The following PRKCA variants were observed in gnomAD, a reference collection of about 807,000 sequenced individuals.
PRKCA encodes protein kinase C alpha type.
In PRKCA, 27 loss-of-function variants were observed where a neutral mutation model predicts 87.0. That is an observed-to-expected ratio of 0.31 (90% CI 0.23 to 0.43). The LOEUF is 0.43. Among genes scored for constraint, PRKCA ranks in the 20% least tolerant of loss-of-function variants. The pLI, the probability that PRKCA is intolerant of heterozygous loss-of-function variation, is 1.00. For synonymous variants in PRKCA, 329 were observed against 311.1 expected (o/e 1.06, Z -0.61); for missense variants, 518 against 852.3 (o/e 0.61, Z 4.88).
intron 2 of PRKCA, among the ~76,000 whole-genome samples, chr17:66,326,053 C>A (rs1489658621): frequency 6.6e-6 from 1 of 152,122 alleles, no homozygotes; most frequent in African/African-American, 2.4e-5. Context: ...TTGTTGAGAA[C>A]CCCCTTTGTG....
chr17:66,444,884 A>G (rs1913953488), intron 2 of PRKCA, among the ~76,000 whole-genome samples: 1 of 152,110 alleles, frequency 6.6e-6, no homozygotes, highest in Non-Finnish European at 1.5e-5. Context: ...GCATTTTAGA[A>G]AATCCCACTC....
chr17:66,456,696 G>T (rs138626511), intron 2 of PRKCA, among the ~76,000 whole-genome samples: 200 of 152,274 alleles, frequency 1.3e-3, no homozygotes, highest in Non-Finnish European at 2.2e-3. Flanking sequence ...GAAATAGATG[G>T]CAGAAAAGAC....
chr17:66,313,350 A>C (rs1192151199), intron 2 of PRKCA, among the ~76,000 whole-genome samples: 1 of 152,212 alleles, frequency 6.6e-6, no homozygotes, highest in Non-Finnish European at 1.5e-5. Context: ...AAGAAAAAGT[A>C]CTTTTAAAGC....
At chr17:66,574,692 C>A (rs569349280) in intron 3 of PRKCA, among the ~76,000 whole-genome samples, 27 of 151,332 alleles carry the variant, frequency 1.8e-4, no homozygotes, top group Admixed American at 1.4e-3. Flanking sequence ...AGGCATTTAA[C>A]CAGTTAGCAT....
intron 3 of PRKCA, among the ~76,000 whole-genome samples, chr17:66,498,030 G>T (rs1916556055): frequency 6.6e-6 from 1 of 152,072 alleles, no homozygotes. Flanking sequence ...GCGTCACCTT[G>T]TTTTATAACT....
chr17:66,775,179 C>A lies in PRKCA; in HGVS notation c.1605+1112C>A, dbSNP rs555963136. 49 of 963,978 alleles carry A rather than the reference C, an allele frequency of 5.1e-5. 1 individual carries two copies. The South Asian group carries it at 2.1e-3, about 41-fold the overall frequency. 59.7% of individuals were successfully genotyped at this position (963,978 alleles called of 1,614,324 possible). ...TGAATGACCCTGTGGTCAGTGCCCA[C>A]CCCCACATAGGACACTTCCGTGGCA... On this transcript the variant is annotated intron_variant, in intron 14 of 16. Coordinates refer to ENST00000413366, the MANE Select transcript of PRKCA (RefSeq NM_002737.3).
chr17:66,789,302 C>A (rs1975476021), intron 16 of PRKCA, among the ~76,000 whole-genome samples: 1 of 152,200 alleles, frequency 6.6e-6, no homozygotes, highest in Admixed American at 6.5e-5. Context: ...GGACTCGCAC[C>A]CAGCAGGGCC....
At chr17:66,390,229 G>A (rs202094985) in intron 2 of PRKCA, among the ~76,000 whole-genome samples, 6 of 151,254 alleles carry the variant, frequency 4.0e-5, no homozygotes, top group Non-Finnish European at 2.9e-5. Context: ...TCTCAAAAAA[G>A]AAAAAAAAAA....
At chr17:66,521,624 C>T (rs1967164869) in intron 3 of PRKCA, among the ~76,000 whole-genome samples, 1 of 151,982 alleles carries the variant, frequency 6.6e-6, no homozygotes, top group Non-Finnish European at 1.5e-5. Context: ...AGTGATGAAT[C>T]AAGTCATCTG....
At chr17:66,781,866 G>GATATATATATATATATAT (rs766995438) in intron 14 of PRKCA, among the ~76,000 whole-genome samples, 4 of 132,800 alleles carry the variant, frequency 3.0e-5, no homozygotes, top group African/African-American at 1.3e-4. Flanking sequence ...GAGAGAGAGA[G>GATATATATATATATATAT]AGATATATAT....
intron 5 of PRKCA, among the ~76,000 whole-genome samples, chr17:66,665,504 G>GGTCTCA (rs1555633134): frequency 0.013 from 2,039 of 151,546 alleles, 41 homozygotes; most frequent in African/African-American, 0.047. Context: ...TGGCAAGAGG[G>GGTCTCA]GGTCCAAGTA....
intron 2 of PRKCA, among the ~76,000 whole-genome samples, chr17:66,441,387 G>A (rs1186366634): frequency 6.6e-6 from 1 of 151,216 alleles, no homozygotes; most frequent in Non-Finnish European, 1.5e-5. Context: ...TCACAGTTCT[G>A]GCCATCTCCT....
At chr17:66,748,330 T>C (rs1188474270) in intron 13 of PRKCA, among the ~76,000 whole-genome samples, 1 of 152,230 alleles carries the variant, frequency 6.6e-6, no homozygotes, top group Non-Finnish European at 1.5e-5. Context: ...GGCCCTAACA[T>C]ATGTTTTTTA....
At chr17:66,795,129 C>T (rs1229524301) in intron 16 of PRKCA, among the ~76,000 whole-genome samples, 1 of 152,108 alleles carries the variant, frequency 6.6e-6, no homozygotes, top group Non-Finnish European at 1.5e-5. Flanking sequence ...ATGTGTATTT[C>T]CTGAACATAA....
chr17:66,554,831 C>G (rs896784129), intron 3 of PRKCA, among the ~76,000 whole-genome samples: 9 of 151,612 alleles, frequency 5.9e-5, no homozygotes, highest in Non-Finnish European at 1.2e-4. Flanking sequence ...TTGATGCCAT[C>G]CCATTGTACT....
chr17:66,768,025 G>C (rs1974847910), intron 13 of PRKCA, among the ~76,000 whole-genome samples: 3 of 152,194 alleles, frequency 2.0e-5, no homozygotes, highest in Non-Finnish European at 4.4e-5. Flanking sequence ...CACAATCTCA[G>C]CTCGCTGTAA....
intron 2 of PRKCA, among the ~76,000 whole-genome samples, chr17:66,408,561 CTTCTGT>C (rs1163045337): frequency 6.6e-6 from 1 of 152,228 alleles, no homozygotes; most frequent in Non-Finnish European, 1.5e-5. Context: ...CTATGTCAAT[CTTCTGT>C]TACCTTATGC....
At chr17:66,744,159 C>A (rs1168985334) in intron 13 of PRKCA, among the ~76,000 whole-genome samples, 1 of 152,150 alleles carries the variant, frequency 6.6e-6, no homozygotes, top group Admixed American at 6.5e-5. Context: ...AACTTAAATT[C>A]TGAATCGCAT....
intron 2 of PRKCA, among the ~76,000 whole-genome samples, chr17:66,328,085 T>G (rs1412524197): frequency 2.0e-5 from 3 of 152,200 alleles, no homozygotes; most frequent in Non-Finnish European, 4.4e-5. Flanking sequence ...TTTCCCTCTG[T>G]TGCCCAGGTA....
Sources: gnomAD v4.1 joint callset for allele counts (sites outside exome capture counted in the v4.1 genomes callset) on GRCh38, gnomAD v4.1.1 for gene constraint, MANE v1.5 for transcripts, NCBI Gene and HGNC (gene_info 2026-07-23, HGNC 2026-07-21) for gene names.